Variants in NCKAP5 observed in about 807,000 individuals in gnomAD.
The protein encoded by NCKAP5 is NCK associated protein 5.
Under a neutral mutation model 167.0 loss-of-function variants are expected in NCKAP5, and 92 were observed. That is an observed-to-expected ratio of 0.55 (90% CI 0.47 to 0.66). NCKAP5 has a LOEUF of 0.66. Among genes scored for constraint, NCKAP5 ranks in the 30% least tolerant of loss-of-function variants. NCKAP5 has a pLI of 0.00. For synonymous variants in NCKAP5, 891 were observed against 877.4 expected (o/e 1.02, Z -0.27); for missense variants, 2,378 against 2,315.0 (o/e 1.03, Z -0.56).
chr2:132,726,233 A>G (rs1690447270), intron 18 of NCKAP5, among the ~76,000 whole-genome samples: 1 of 152,358 alleles, frequency 6.6e-6, no homozygotes, highest in South Asian at 2.1e-4. Flanking sequence ...TGCCTAATTT[A>G]TAATTTTCTT....
intron 3 of NCKAP5, among the ~76,000 whole-genome samples, chr2:133,386,874 C>CA (rs1687009703): frequency 6.6e-6 from 1 of 151,764 alleles, no homozygotes; most frequent in African/African-American, 2.4e-5. Context: ...CAACCCCTGC[C>CA]TTTTTTTTGT....
At chr2:133,559,366 T>G (rs1558785249) in intron 1 of NCKAP5, among the ~76,000 whole-genome samples, 3 of 152,212 alleles carry the variant, frequency 2.0e-5, no homozygotes. Context: ...TCTCACAGCC[T>G]AGAGTGCAGT....
At chr2:132,896,005 A>T (rs1156642821) in intron 8 of NCKAP5, among the ~76,000 whole-genome samples, 1 of 151,892 alleles carries the variant, frequency 6.6e-6, no homozygotes, top group Non-Finnish European at 1.5e-5. Context: ...CGTGGTGGGA[A>T]GCACCTGTAA....
At chr2:133,008,460 T>C (rs951352973) in intron 6 of NCKAP5, among the ~76,000 whole-genome samples, 1 of 152,234 alleles carries the variant, frequency 6.6e-6, no homozygotes, top group Non-Finnish European at 1.5e-5. Context: ...TGCAGGCTAT[T>C]TTATAGCAAA....
chr2:133,272,929 A>C (rs78226376), intron 4 of NCKAP5, among the ~76,000 whole-genome samples: 4,316 of 152,274 alleles, frequency 0.028, 194 homozygotes, highest in African/African-American at 0.097. Context: ...TTCATGCACC[A>C]CATTTTATTT....
At chr2:133,350,855 G>A (rs1390965517) in intron 3 of NCKAP5, among the ~76,000 whole-genome samples, 1 of 151,914 alleles carries the variant, frequency 6.6e-6, no homozygotes, top group Non-Finnish European at 1.5e-5. Context: ...CGCTTGGAGT[G>A]AATACTATTT....
chr2:133,577,859 G>C, the NCKAP5 span, among the ~76,000 whole-genome samples: 1 of 152,090 alleles, frequency 6.6e-6, no homozygotes, highest in Non-Finnish European at 1.5e-5. Context: ...AACTGCTCTT[G>C]GTTTCCAAAC....
At chr2:133,072,850 A>G (rs1355660728) in intron 6 of NCKAP5, among the ~76,000 whole-genome samples, 1 of 152,214 alleles carries the variant, frequency 6.6e-6, no homozygotes, top group African/African-American at 2.4e-5. Context: ...ATTATAAAAT[A>G]TGACTGTAGG....
intron 6 of NCKAP5, among the ~76,000 whole-genome samples, chr2:133,030,142 A>G (rs2078834157): frequency 6.6e-6 from 1 of 152,220 alleles, no homozygotes; most frequent in African/African-American, 2.4e-5. Flanking sequence ...GTTTCAGGGA[A>G]GAAAATAAGA....
intron 17 of NCKAP5, among the ~76,000 whole-genome samples, chr2:132,730,792 T>C (rs1159152933): frequency 1.3e-5 from 2 of 152,210 alleles, no homozygotes; most frequent in Non-Finnish European, 2.9e-5. Flanking sequence ...AAAAATAATA[T>C]GCATTACAGT....
At chr2:133,397,022 G>A (rs916817185) in intron 3 of NCKAP5, among the ~76,000 whole-genome samples, 10 of 152,204 alleles carry the variant, frequency 6.6e-5, no homozygotes, top group Non-Finnish European at 2.9e-5. Flanking sequence ...TGTAAGGACA[G>A]ACCTTTGCAC....
intron 3 of NCKAP5, among the ~76,000 whole-genome samples, chr2:133,404,172 T>C (rs879734932): frequency 3.3e-5 from 5 of 152,240 alleles, no homozygotes; most frequent in Non-Finnish European, 7.3e-5. Context: ...TACCTGAAAC[T>C]ACATTTTGAT....
intron 19 of NCKAP5, among the ~76,000 whole-genome samples, chr2:132,704,340 G>T (rs1003098909): frequency 6.6e-6 from 1 of 152,006 alleles, no homozygotes; most frequent in Non-Finnish European, 1.5e-5. Context: ...TATAAACATC[G>T]ATTGAACTCC....
At chr2:132,838,569 T>A (rs1385264681) in intron 11 of NCKAP5, among the ~76,000 whole-genome samples, 1 of 152,106 alleles carries the variant, frequency 6.6e-6, no homozygotes, top group African/African-American at 2.4e-5. Context: ...CAAGCAGAGC[T>A]TGCAGTGAGC....
intron 3 of NCKAP5, among the ~76,000 whole-genome samples, chr2:133,320,519 G>C (rs1009974524): frequency 6.6e-6 from 1 of 152,252 alleles, no homozygotes; most frequent in African/African-American, 2.4e-5. Flanking sequence ...ACGAGGTCAG[G>C]AGATCGAGAC....
At chr2:132,946,784 G>C (rs13018802) in intron 8 of NCKAP5, among the ~76,000 whole-genome samples, 16,484 of 152,138 alleles carry the variant, frequency 0.11, 1,076 homozygotes, top group Middle Eastern at 0.2. Context: ...TGTAGTCCCA[G>C]CTACTCAAGA....
At chr2:133,591,719 T>C in the NCKAP5 span, among the ~76,000 whole-genome samples, 4 of 152,346 alleles carry the variant, frequency 2.6e-5, no homozygotes, top group Admixed American at 2.0e-4. Flanking sequence ...TATCCTACTA[T>C]TTTTCTACAT....
At chr2:133,384,958 G>A (rs1686825138) in intron 3 of NCKAP5, among the ~76,000 whole-genome samples, 1 of 152,128 alleles carries the variant, frequency 6.6e-6, no homozygotes, top group Admixed American at 6.5e-5. Flanking sequence ...TAAGTCGATG[G>A]GGTTTTCCAG....
chr2:132,738,143 A>T (rs980736516), intron 16 of NCKAP5, among the ~76,000 whole-genome samples: 1 of 152,174 alleles, frequency 6.6e-6, no homozygotes, highest in Non-Finnish European at 1.5e-5. Context: ...CCTTTTCTGT[A>T]GTTATTTTTC....
Sources: gnomAD v4.1 joint callset for allele counts (sites outside exome capture counted in the v4.1 genomes callset) on GRCh38, gnomAD v4.1.1 for gene constraint, MANE v1.5 for transcripts, NCBI Gene and HGNC (gene_info 2026-07-23, HGNC 2026-07-21) for gene names.